NCOR2: variants seen among roughly 807,000 people sequenced by gnomAD.
NCOR2 encodes the protein nuclear receptor corepressor 2, also known as CTG repeat protein 26.
NCOR2 carries 81 observed loss-of-function variants against 262.9 expected under a neutral mutation model. The ratio of observed to expected loss-of-function variants is 0.31; its 90% CI spans 0.26 to 0.37. NCOR2 has a LOEUF of 0.37. Ranked by LOEUF, NCOR2 falls within the 10% of genes least tolerant of loss-of-function variation. NCOR2 has a pLI of 1.00. For missense variants in NCOR2, 3,385 were observed against 3,621.4 expected (o/e 0.93, Z 1.68); for synonymous variants, 1,659 against 1,559.3 (o/e 1.06, Z -1.51).
chr12:124,397,359 G>C (rs1204752307), intron 16 of NCOR2, among the ~76,000 whole-genome samples: 1 of 152,248 alleles, frequency 6.6e-6, no homozygotes, highest in Non-Finnish European at 1.5e-5. Flanking sequence ...GGCAAACCGA[G>C]GCCCAGAGGC....
chr12:124,491,661 A>G (rs540718303), intron 1 of NCOR2, among the ~76,000 whole-genome samples: 97 of 152,330 alleles, frequency 6.4e-4, no homozygotes, highest in Middle Eastern at 3.4e-3. Flanking sequence ...AGGAGTGTTC[A>G]GGGGTCCCAG....
At chr12:124,372,633 G>C in intron 19 of NCOR2, 23 bp from the exon 22 acceptor site, 5 of 1,586,516 alleles carry the variant, frequency 3.2e-6, no homozygotes, top group Non-Finnish European at 4.3e-6. Context: ...AGAAGGAAGA[G>C]GGGATGAGCA....
chr12:124,398,928 G>A (rs1325491201), intron 15 of NCOR2, among the ~76,000 whole-genome samples: 2 of 152,242 alleles, frequency 1.3e-5, no homozygotes, highest in African/African-American at 4.8e-5. Context: ...CATCTCTGCA[G>A]TGGCACTATT....
chr12:124,333,943 T>G (rs28587294), intron 41 of NCOR2, among the ~76,000 whole-genome samples: 1 of 148,046 alleles, frequency 6.8e-6, no homozygotes, highest in African/African-American at 2.6e-5. Flanking sequence ...CGCATGTGTG[T>G]GGGTGTGCAC....
At chr12:124,434,266 C>T (rs890396559) in intron 8 of NCOR2, among the ~76,000 whole-genome samples, 4 of 152,048 alleles carry the variant, frequency 2.6e-5, no homozygotes, top group East Asian at 1.9e-4. Context: ...TCAGAGTTCT[C>T]GGCCAAGCCC....
intron 17 of NCOR2, among the ~76,000 whole-genome samples, chr12:124,385,038 GGGAGGAAGGGAAGGA>G (rs1337014889): frequency 2.0e-4 from 30 of 152,208 alleles, no homozygotes; most frequent in African/African-American, 5.8e-4. Flanking sequence ...GGAGAAAGGA[GGGAGGAAGGGAAGGA>G]GGAGGAAGGG....
intron 17 of NCOR2, among the ~76,000 whole-genome samples, chr12:124,382,295 G>A (rs1295697785): frequency 6.6e-6 from 1 of 152,188 alleles, no homozygotes; most frequent in African/African-American, 2.4e-5. Context: ...CGGATGGCCT[G>A]GCCTGAGCCC....
chr12:124,372,567 A>T, exon 20 of NCOR2: 1 of 1,588,888 alleles, frequency 6.3e-7, no homozygotes. Flanking sequence ...CCTCAGTGTG[A>T]GGAGAGGGGA....
At chr12:124,453,015 G>T (rs140991946) in intron 6 of NCOR2, among the ~76,000 whole-genome samples, 4 of 152,164 alleles carry the variant, frequency 2.6e-5, no homozygotes, top group African/African-American at 7.2e-5. Context: ...CTGGAATGCC[G>T]TGCACCGCCA....
chr12:124,326,282 T>G (rs1593054882), exon 46 of NCOR2: 1 of 1,563,738 alleles, frequency 6.4e-7, no homozygotes, highest in African/African-American at 1.4e-5. Flanking sequence ...AGACAGAGGG[T>G]GGCCGGTCCC....
At chr12:124,477,676 T>G (rs1316209531) in intron 3 of NCOR2, among the ~76,000 whole-genome samples, 41 of 152,242 alleles carry the variant, frequency 2.7e-4, no homozygotes, top group Non-Finnish European at 8.8e-5. Flanking sequence ...CAAGAGCGCT[T>G]CCCCTGGTGC....
intron 7 of NCOR2, among the ~76,000 whole-genome samples, chr12:124,438,276 C>T (rs904628941): frequency 1.3e-5 from 2 of 152,166 alleles, no homozygotes; most frequent in African/African-American, 4.8e-5. Context: ...CCCGCCCCCG[C>T]CCACATGCAC....
chr12:124,364,848 G>A (rs2038895737), intron 20 of NCOR2, among the ~76,000 whole-genome samples: 1 of 152,200 alleles, frequency 6.6e-6, no homozygotes, highest in African/African-American at 2.4e-5. Context: ...GCACAAAGCA[G>A]CCTAGCCTGC....
In NCOR2 at chr12:124,475,385, C is replaced by T. The variant is rs369219123; in HGVS notation, c.412-2254G>A. ...TGAAGTGGATCCCACAACAGCCCTC[C>T]GAGGGGACTGCTGCTCCATCTCCAT... On this transcript the variant is annotated intron_variant, in intron 3 of 46. Transcript: ENST00000405201. Among the ~76,000 whole-genome samples the T allele has an allele frequency of 6.6e-5, 10 of 152,296 alleles. No homozygotes were observed. The East Asian group carries it at 1.5e-3, about 23-fold the overall frequency.
Position 124,378,398 on chromosome 12 carries a change from AAGC to A in NCOR2, c.2020-17_2020-15del, listed in dbSNP as rs2136070790. The A allele has an allele frequency of 6.2e-7, 1 of 1,606,782 alleles. No homozygotes were observed. The highest frequency in any genetic ancestry group is 8.5e-7 in the Non-Finnish European group (1 of 1,177,714). On this transcript the variant is annotated splice_polypyrimidine_tract_variant and intron_variant, in intron 17 of 46. Transcript: ENST00000405201. The surrounding 1 kb of genome is among the most constrained non-coding windows in gnomAD (Gnocchi z 4.2). Reference sequence around the variant, plus strand: ...CCTCTCCTTCTCCTGGGGCACAGGGAAGCAGCAGATCAGGACTGGGGCCTGGGC... The same window carrying A: ...CCTCTCCTTCTCCTGGGGCACAGGGAAGCAGATCAGGACTGGGGCCTGGGC...
chr12:124,370,999 C>T (rs2039458714), intron 20 of NCOR2, among the ~76,000 whole-genome samples: 1 of 152,188 alleles, frequency 6.6e-6, no homozygotes, highest in East Asian at 1.9e-4. Flanking sequence ...CCCACGGCCA[C>T]CACGCTCGCA....
At chr12:124,479,727 G>A (rs2047337179) in intron 3 of NCOR2, among the ~76,000 whole-genome samples, 1 of 152,266 alleles carries the variant, frequency 6.6e-6, no homozygotes, top group South Asian at 2.1e-4. Context: ...GGAGAAAGCA[G>A]ATTCCAGTGC....
rs546976590 is a variant in NCOR2, at chr12:124,325,383, C to CCA, written c.*18_*19insTG. 3.0e-4 allele frequency: 134 copies of CCA among 440,004 alleles called. 5 individuals are homozygous for CCA. In the South Asian group the frequency reaches 3.6e-3, roughly 12 times the overall value. 27.3% of individuals were successfully genotyped at this position (440,004 alleles called of 1,614,324 possible). ...CTCGCTGGGACCTGACACCGCCCCC[C>CCA]CCCCCGCCCTGTTCTGAGTCACTCG... On this transcript the variant is annotated 3_prime_UTR_variant, in exon 47 of 47. Coordinates refer to ENST00000405201, the Ensembl canonical transcript of NCOR2.
chr12:124,398,222 G>A, intron 15 of NCOR2, 41 bp from the exon 18 acceptor site: 1 of 1,609,296 alleles, frequency 6.2e-7, no homozygotes, highest in Admixed American at 1.7e-5. Flanking sequence ...AGCCGGGAGA[G>A]GAGGCACTTT....
Sources: allele counts gnomAD v4.1 joint callset (sites outside exome capture counted in the v4.1 genomes callset), GRCh38; gene constraint gnomAD v4.1.1; non-coding constraint Gnocchi (gnomAD v3.1); transcripts MANE v1.5; gene names NCBI Gene and HGNC (gene_info 2026-07-23, HGNC 2026-07-21).